Variants in PLGRKT observed in about 807,000 individuals in gnomAD.
PLGRKT encodes plasminogen receptor (KT).
A neutral mutation model predicts 18.5 loss-of-function variants in PLGRKT; 22 were observed. The observed-to-expected ratio is 1.19, with a 90% CI of 0.85 to 1.70. The LOEUF is 1.70. Ranked by LOEUF, PLGRKT falls within the 40% of genes most tolerant of loss-of-function variation. The pLI, the probability that PLGRKT is intolerant of heterozygous loss-of-function variation, is 0.00. For synonymous variants in PLGRKT, 72 were observed against 52.8 expected, an observed-to-expected ratio of 1.36 and a Z score of -1.58; for missense variants, 235 against 174.4, an observed-to-expected ratio of 1.35 and a Z score of -1.96.
intron 3 of PLGRKT, among the ~76,000 whole-genome samples, chr9:5,397,851 C>A (rs1360226618): frequency 6.6e-6 from 1 of 151,940 alleles, no homozygotes; most frequent in Non-Finnish European, 1.5e-5. Context: ...TGAGCTTGCT[C>A]CTCTTCTCTA....
At chr9:5,421,653 C>T (rs539272159) in intron 3 of PLGRKT, among the ~76,000 whole-genome samples, 1 of 152,234 alleles carries the variant, frequency 6.6e-6, no homozygotes, top group Non-Finnish European at 1.5e-5. Context: ...TTACATGGGG[C>T]AGATGCTGTG....
At position 5,418,876 on chromosome 9, in the gene PLGRKT, C is replaced by G. The variant is rs1818517410; in HGVS notation, c.81+13021G>C. 1 of 1,017,754 alleles carries G rather than the reference C, an allele frequency of 9.8e-7. No homozygotes were observed. Among genetic ancestry groups the G allele is most frequent in the Admixed American group, 1.8e-5 (1 of 56,796 alleles). 63.0% of individuals were successfully genotyped at this position (1,017,754 alleles called of 1,614,324 possible). A position where few individuals can be genotyped will look rare whatever the true frequency, so the allele number is the denominator to read the frequency against. On this transcript the variant is annotated intron_variant, in intron 3 of 5. Coordinates refer to ENST00000223864, the MANE Select transcript of PLGRKT (RefSeq NM_018465.4). This position sits in a 1 kb window ranked among gnomAD's most constrained non-coding sequence, Gnocchi z 4.2. ...CCTCGTCTGCTGGAGGCAAACTGAA[C>G]AGCAGGTGTGCTTGCAATCCAGCAA... is the stretch of plus-strand genomic sequence containing the variant.
intron 3 of PLGRKT, among the ~76,000 whole-genome samples, chr9:5,410,888 C>T (rs1818349601): frequency 6.6e-6 from 1 of 152,090 alleles, no homozygotes; most frequent in South Asian, 2.1e-4. Context: ...GACCAATACA[C>T]AACACTCTAG....
chr9:5,365,114 TC>T lies in PLGRKT; in HGVS notation c.82-3227del, dbSNP rs997504377. Reference sequence around the variant, plus strand: ...AAACACCCAGACATGATTTCTACTCTCCAAAAAAAAATAAATAAATAAACCA... The same window carrying T: ...AAACACCCAGACATGATTTCTACTCTCAAAAAAAAATAAATAAATAAACCA... On this transcript the variant is annotated intron_variant, in intron 3 of 5. Transcript: ENST00000223864. Among the ~76,000 whole-genome samples, 4 of 58,660 alleles carry T rather than the reference TC, an allele frequency of 6.8e-5. No individual in the cohort carries two copies. The African/African-American group carries it at 7.3e-4, about 11-fold the overall frequency. The allele number at this position is 58,660 out of a possible 152,430, so 38.5% of individuals were successfully genotyped here. A position where few individuals can be genotyped will look rare whatever the true frequency, so the allele number is the denominator to read the frequency against.
At chr9:5,429,242 A>G (rs1438429548) in intron 3 of PLGRKT, among the ~76,000 whole-genome samples, 2 of 151,940 alleles carry the variant, frequency 1.3e-5, no homozygotes, top group African/African-American at 4.8e-5. Context: ...GGATTCCCAG[A>G]CCCCTTCTAG....
At chr9:5,372,497 A>G (rs1435030026) in intron 3 of PLGRKT, among the ~76,000 whole-genome samples, 1 of 152,154 alleles carries the variant, frequency 6.6e-6, no homozygotes, top group East Asian at 1.9e-4. Context: ...CTGGGGGAGC[A>G]TGGAAGTAAG....
intron 3 of PLGRKT, among the ~76,000 whole-genome samples, chr9:5,424,599 TATA>T (rs1308745521): frequency 1.6e-5 from 2 of 126,814 alleles, no homozygotes; most frequent in Admixed American, 8.5e-5. Flanking sequence ...TATACAGTAA[TATA>T]ATATATTATT....
intron 3 of PLGRKT, among the ~76,000 whole-genome samples, chr9:5,371,517 C>T (rs1324119431): frequency 6.6e-6 from 1 of 152,206 alleles, no homozygotes; most frequent in African/African-American, 2.4e-5. Context: ...TCTCTTGCCA[C>T]CGCCAGGAAA....
At chr9:5,428,031 G>A (rs745690895) in intron 3 of PLGRKT, among the ~76,000 whole-genome samples, 6 of 152,158 alleles carry the variant, frequency 3.9e-5, no homozygotes, top group Non-Finnish European at 7.4e-5. Context: ...AAGGGAGGAT[G>A]TTATCAATGA....
In PLGRKT at chr9:5,394,403, G is replaced by T. The variant is rs528963873; in HGVS notation, c.82-32515C>A. ...ACTTTCCATGAGGATTTTTTAATGA[G>T]AAGTTTTTTGTTTGTTTGTTTGTTT... On this transcript the variant is annotated intron_variant, in intron 3 of 5. Transcript: ENST00000223864. Among the ~76,000 whole-genome samples, 22 of 151,918 alleles carry T rather than the reference G, an allele frequency of 1.4e-4. No individual in the cohort carries two copies. The South Asian group carries it at 4.6e-3, about 32-fold the overall frequency.
At chr9:5,414,175 T>C (rs1019963327) in intron 3 of PLGRKT, among the ~76,000 whole-genome samples, 1 of 151,850 alleles carries the variant, frequency 6.6e-6, no homozygotes, top group Non-Finnish European at 1.5e-5. Context: ...TGTATCTTTT[T>C]TGTTTGTTTA....
At chr9:5,370,998 TGTA>T (rs1419002518) in intron 3 of PLGRKT, among the ~76,000 whole-genome samples, 2 of 152,216 alleles carry the variant, frequency 1.3e-5, no homozygotes, top group African/African-American at 2.4e-5. Context: ...CTAACCAAGT[TGTA>T]GTATTATTCA....
chr9:5,423,869 A>ATATATATGTATAATATAAAT (rs71326162), intron 3 of PLGRKT, among the ~76,000 whole-genome samples: 4 of 144,122 alleles, frequency 2.8e-5, no homozygotes, highest in African/African-American at 1.0e-4. Context: ...TGCCCAGCTA[A>ATATATATGTATAATATAAAT]TATATATGTA....
intron 3 of PLGRKT, among the ~76,000 whole-genome samples, chr9:5,385,014 C>T (rs1189083648): frequency 3.3e-5 from 5 of 152,068 alleles, no homozygotes; most frequent in Non-Finnish European, 7.3e-5. Flanking sequence ...AATGAAGTCA[C>T]CAAGGTGAGA....
chr9:5,408,387 C>T (rs1455906910), intron 3 of PLGRKT, among the ~76,000 whole-genome samples: 1 of 152,224 alleles, frequency 6.6e-6, no homozygotes, highest in African/African-American at 2.4e-5. Flanking sequence ...CCTGGCTGCA[C>T]TGTGCCCCTG....
chr9:5,359,586 A>G (rs2131052244), intron 5 of PLGRKT, among the ~76,000 whole-genome samples: 1 of 152,360 alleles, frequency 6.6e-6, no homozygotes, highest in Middle Eastern at 3.4e-3. Flanking sequence ...ATGTGTTAAA[A>G]GAATGGCTGA....
chr9:5,406,122 G>A (rs1159009915), intron 3 of PLGRKT, among the ~76,000 whole-genome samples: 1 of 152,090 alleles, frequency 6.6e-6, no homozygotes, highest in Non-Finnish European at 1.5e-5. Context: ...GATGCTGGCA[G>A]TATTGAGGCG....
At chr9:5,402,795 A>G (rs1327155957) in intron 3 of PLGRKT, among the ~76,000 whole-genome samples, 1 of 152,004 alleles carries the variant, frequency 6.6e-6, no homozygotes, top group Non-Finnish European at 1.5e-5. Flanking sequence ...ATAAAGTGTA[A>G]AAGTAGGACA....
chr9:5,359,815 C>T (rs1233701121), intron 5 of PLGRKT, among the ~76,000 whole-genome samples: 1 of 152,110 alleles, frequency 6.6e-6, no homozygotes, highest in Non-Finnish European at 1.5e-5. Flanking sequence ...CAGCAGTATG[C>T]TGGTGAATAT....
Sources: gnomAD v4.1 joint callset for allele counts (sites outside exome capture counted in the v4.1 genomes callset) on GRCh38, gnomAD v4.1.1 for gene constraint, Gnocchi (gnomAD v3.1) non-coding constraint, MANE v1.5 for transcripts, NCBI Gene and HGNC (gene_info 2026-07-23, HGNC 2026-07-21) for gene names.